The following STON2 variants were observed in gnomAD, a reference collection of about 807,000 sequenced individuals.
STON2 encodes the protein stonin-2.
In STON2, 29 loss-of-function variants were observed where a neutral mutation model predicts 65.7. That is an observed-to-expected ratio of 0.44 (90% confidence interval 0.33 to 0.60). The LOEUF is 0.60. Ranked by LOEUF, STON2 falls within the 20% of genes least tolerant of loss-of-function variation. STON2 has a pLI of 0.03. For synonymous variants in STON2, 404 were observed against 414.2 expected (o/e 0.98, Z 0.30); for missense variants, 1,054 against 1,118.1 (o/e 0.94, Z 0.82).
intron 4 of STON2, among the ~76,000 whole-genome samples, chr14:81,348,040 G>A (rs1161960962): frequency 6.6e-6 from 1 of 151,134 alleles, no homozygotes; most frequent in African/African-American, 2.4e-5. Flanking sequence ...CATCTCAATA[G>A]GCAAAAAAAG....
At chr14:81,300,944 A>T (rs1895946084) in intron 5 of STON2, among the ~76,000 whole-genome samples, 1 of 152,232 alleles carries the variant, frequency 6.6e-6, no homozygotes, top group Non-Finnish European at 1.5e-5. Flanking sequence ...TATCAATAGG[A>T]GAATGAATAA....
At chr14:81,373,875 T>C (rs1391710151) in intron 3 of STON2, among the ~76,000 whole-genome samples, 1 of 152,090 alleles carries the variant, frequency 6.6e-6, no homozygotes, top group Non-Finnish European at 1.5e-5. Context: ...ACAAATTTTT[T>C]CACATAGGGG....
At chr14:81,433,161 C>A (rs1288724822) in intron 1 of STON2, among the ~76,000 whole-genome samples, 1 of 152,166 alleles carries the variant, frequency 6.6e-6, no homozygotes, top group Non-Finnish European at 1.5e-5. Context: ...GATGAGAGAG[C>A]ACGTGCATTT....
intron 6 of STON2, among the ~76,000 whole-genome samples, chr14:81,272,272 T>G (rs1894630297): frequency 6.6e-6 from 1 of 152,180 alleles, no homozygotes; most frequent in Non-Finnish European, 1.5e-5. Context: ...TCCAGAGTGT[T>G]CTTAACCACT....
At chr14:81,363,601 A>C (rs564821322) in intron 4 of STON2, among the ~76,000 whole-genome samples, 1 of 151,058 alleles carries the variant, frequency 6.6e-6, no homozygotes, top group South Asian at 2.1e-4. Context: ...TGTTAATGAA[A>C]GAGTGAAAAG....
At chr14:81,326,343 C>A (rs1871247889) in intron 4 of STON2, among the ~76,000 whole-genome samples, 1 of 152,112 alleles carries the variant, frequency 6.6e-6, no homozygotes, top group African/African-American at 2.4e-5. Context: ...ATCTAATAAT[C>A]ATGTAAAATA....
At chr14:81,359,783 A>G (rs545411793) in intron 4 of STON2, among the ~76,000 whole-genome samples, 1 of 152,336 alleles carries the variant, frequency 6.6e-6, no homozygotes, top group Admixed American at 6.5e-5. Flanking sequence ...TAAATTCCCT[A>G]ACAAATGTAA....
chr14:81,387,525 T>C (rs985968649), intron 3 of STON2, among the ~76,000 whole-genome samples: 5 of 152,186 alleles, frequency 3.3e-5, no homozygotes, highest in Middle Eastern at 3.2e-3. Flanking sequence ...TGATTCCATA[T>C]GCTTCTTCAT....
chr14:81,326,110 C>T (rs1309330216), intron 4 of STON2, among the ~76,000 whole-genome samples: 1 of 152,138 alleles, frequency 6.6e-6, no homozygotes, highest in Non-Finnish European at 1.5e-5. Context: ...CACACAAGAA[C>T]GGCAAAATAA....
intron 3 of STON2, among the ~76,000 whole-genome samples, chr14:81,384,035 C>A (rs1030369338): frequency 3.3e-5 from 5 of 152,078 alleles, no homozygotes; most frequent in African/African-American, 9.7e-5. Context: ...ACTTGCTGTT[C>A]CTTCCACATG....
intron 5 of STON2, among the ~76,000 whole-genome samples, chr14:81,298,425 A>AG (rs1360830668): frequency 3.7e-4 from 2 of 5,454 alleles, no homozygotes; most frequent in African/African-American, 6.1e-4. Context: ...GGGGGGGGGG[A>AG]ATCACAGAAT....
chr14:81,301,822 C>T (rs1446458297), intron 5 of STON2, among the ~76,000 whole-genome samples: 1 of 106,696 alleles, frequency 9.4e-6, no homozygotes, highest in Non-Finnish European at 2.0e-5. Context: ...GAACAAATAA[C>T]TGTTATTAGT....
rs1326185389 is a variant in STON2 at position 81,304,955 on chromosome 14, C to A, written c.742+19062G>T. On this transcript the variant is annotated intron_variant, in intron 5 of 7. Coordinates refer to ENST00000614646, the MANE Select transcript of STON2 (RefSeq NM_001394390.1). ...AGATCCCCAGAAGACCCCTTTGTAC[C>A]CCCTTCCTATCACTAACTACCTCTT... Among the ~76,000 whole-genome samples the A allele has an allele frequency of 1.3e-5, 2 of 152,014 alleles. 1 individual carries two copies. The highest frequency in any genetic ancestry group is 4.1e-4 in the South Asian group (2 of 4,820).
chr14:81,302,105 T>C (rs1381957424), intron 5 of STON2, among the ~76,000 whole-genome samples: 2 of 152,186 alleles, frequency 1.3e-5, no homozygotes, highest in Non-Finnish European at 2.9e-5. Context: ...TCAGGACTAA[T>C]GGGAGTAGTA....
chr14:81,298,225 G>A (rs1287825281), intron 5 of STON2, among the ~76,000 whole-genome samples: 1 of 152,088 alleles, frequency 6.6e-6, no homozygotes. Context: ...TTCCAGGAAG[G>A]AGAAATGAGC....
At chr14:81,340,928 AATATATTAATAATTG>A (rs1290823852) in intron 4 of STON2, among the ~76,000 whole-genome samples, 2 of 151,630 alleles carry the variant, frequency 1.3e-5, no homozygotes, top group Non-Finnish European at 2.9e-5. Flanking sequence ...AATACATGTT[AATATATTAATAATTG>A]GTATATTAAT....
Position 81,414,947 on chromosome 14 carries a change from C to T in STON2, c.-199+12155G>A, listed in dbSNP as rs553050580. Among the ~76,000 whole-genome samples, 213 of 152,170 alleles carry T rather than the reference C, an allele frequency of 1.4e-3. 1 individual carries two copies. Among genetic ancestry groups the T allele is most frequent in the Non-Finnish European group, 2.6e-3 (176 of 67,994 alleles). ...AGTGTTATTTAAAAGGTAAGATCTG[C>T]CCATGGTCGTCCATCAAATGGCAGA... On this transcript the variant is annotated intron_variant, in intron 2 of 8. Coordinates refer to the STON2 transcript ENST00000553821.
In STON2 at chr14:81,263,503, AC is replaced by A. The variant is rs1595257347; in HGVS notation, c.*4910del. ...CAGTGAGCCGATGTCGTGCCACTGC[AC>A]TCTAGCCTGGGTGACAGACTGAGAC... On this transcript the variant is annotated 3_prime_UTR_variant, in exon 8 of 8. Coordinates refer to ENST00000614646, the MANE Select transcript of STON2 (RefSeq NM_001394390.1). Among the ~76,000 whole-genome samples, 1 of 133,084 alleles carries A rather than the reference AC, an allele frequency of 7.5e-6. No homozygotes were observed. The highest frequency in any genetic ancestry group is 2.3e-4 in the East Asian group (1 of 4,410). 87.3% of individuals were successfully genotyped at this position (133,084 alleles called of 152,430 possible).
At chr14:81,411,167 T>C (rs1009793646) in intron 2 of STON2, among the ~76,000 whole-genome samples, 1 of 152,160 alleles carries the variant, frequency 6.6e-6, no homozygotes, top group African/African-American at 2.4e-5. Flanking sequence ...AGGAGGCCAA[T>C]GGCAATTCAA....
Sources: allele counts gnomAD v4.1 joint callset (sites outside exome capture counted in the v4.1 genomes callset), GRCh38; gene constraint gnomAD v4.1.1; transcripts MANE v1.5; gene names NCBI Gene and HGNC (gene_info 2026-07-23, HGNC 2026-07-21).